The following TTC28 variants were observed in gnomAD, a reference collection of about 807,000 sequenced individuals.
The protein encoded by TTC28 is tetratricopeptide repeat domain 28, also known as tetratricopeptide repeat protein 28.
In TTC28, 61 loss-of-function variants were observed where a neutral mutation model predicts 198.0. The observed-to-expected ratio is 0.31, with a 90% confidence interval of 0.25 to 0.38. The LOEUF is 0.38. TTC28 is among the 10% of genes least tolerant of loss of function. The pLI, the probability that TTC28 is intolerant of heterozygous loss-of-function variation, is 1.00. For synonymous variants in TTC28, 1,171 were observed against 1,297.8 expected (o/e 0.90, Z 2.10); for missense variants, 2,678 against 3,164.0 (o/e 0.85, Z 3.69).
chr22:28,440,089 G>C (rs2047594721), intron 2 of TTC28, among the ~76,000 whole-genome samples: 2 of 152,190 alleles, frequency 1.3e-5, no homozygotes, highest in Admixed American at 1.3e-4. Flanking sequence ...GCTCGCCTCG[G>C]CCTCCCAAAG....
chr22:28,222,259 G>A (rs948079339), intron 5 of TTC28, among the ~76,000 whole-genome samples: 6 of 152,168 alleles, frequency 3.9e-5, no homozygotes, highest in African/African-American at 1.4e-4. Context: ...TTGACCTAGA[G>A]CTCTGATCAC....
intron 6 of TTC28, among the ~76,000 whole-genome samples, chr22:28,134,347 CA>C (rs1943145613): frequency 6.6e-6 from 1 of 152,216 alleles, no homozygotes; most frequent in Non-Finnish European, 1.5e-5. Context: ...CAATGGAACA[CA>C]GCTGGACGGA....
intron 5 of TTC28, among the ~76,000 whole-genome samples, chr22:28,168,087 TA>T (rs1438029066): frequency 6.6e-6 from 1 of 152,050 alleles, no homozygotes; most frequent in African/African-American, 2.4e-5. Context: ...TCAAAGAGAA[TA>T]AAATATCTAG....
chr22:28,287,421 A>G (rs1395994205), intron 5 of TTC28, among the ~76,000 whole-genome samples: 2 of 152,224 alleles, frequency 1.3e-5, no homozygotes, highest in African/African-American at 4.8e-5. Flanking sequence ...TAACTAATAA[A>G]CAAAAGTACT....
At chr22:28,500,888 T>C (rs1036323462) in intron 2 of TTC28, among the ~76,000 whole-genome samples, 1 of 152,146 alleles carries the variant, frequency 6.6e-6, no homozygotes, top group African/African-American at 2.4e-5. Flanking sequence ...AGATGCTGCA[T>C]TGTTCAGTTA....
chr22:28,581,397 C>T (rs1042404609), intron 2 of TTC28, among the ~76,000 whole-genome samples: 12 of 152,146 alleles, frequency 7.9e-5, no homozygotes, highest in African/African-American at 2.7e-4. Context: ...ACTAACACGA[C>T]ATCCTTTGAG....
At chr22:28,383,465 A>G (rs543534041) in intron 2 of TTC28, among the ~76,000 whole-genome samples, 1 of 152,324 alleles carries the variant, frequency 6.6e-6, no homozygotes, top group East Asian at 1.9e-4. Context: ...TGAATTACAA[A>G]TGTACACTCA....
intron 2 of TTC28, among the ~76,000 whole-genome samples, chr22:28,479,366 C>T (rs974681967): frequency 1.3e-5 from 2 of 152,200 alleles, no homozygotes; most frequent in African/African-American, 4.8e-5. Flanking sequence ...GAAATGACTA[C>T]AAACCCGTTA....
intron 6 of TTC28, among the ~76,000 whole-genome samples, chr22:28,156,259 A>C (rs746675615): frequency 6.6e-5 from 10 of 152,236 alleles, no homozygotes; most frequent in Non-Finnish European, 1.2e-4. Flanking sequence ...TAATCACAAC[A>C]GTCTTTATTG....
chr22:28,545,501 C>T (rs2049521738), intron 2 of TTC28, among the ~76,000 whole-genome samples: 1 of 152,038 alleles, frequency 6.6e-6, no homozygotes, highest in Admixed American at 6.6e-5. Flanking sequence ...ATCACTTGAG[C>T]CTAGGAGTTT....
chr22:28,407,136 A>G (rs1314965878), intron 2 of TTC28, among the ~76,000 whole-genome samples: 1 of 152,206 alleles, frequency 6.6e-6, no homozygotes, highest in African/African-American at 2.4e-5. Flanking sequence ...GACAGCAAAC[A>G]AGTTAAAAAA....
chr22:28,329,596 G>A (rs2045584828), intron 2 of TTC28, among the ~76,000 whole-genome samples: 1 of 152,128 alleles, frequency 6.6e-6, no homozygotes, highest in East Asian at 1.9e-4. Flanking sequence ...GTCCTAACAG[G>A]CAGTTTTGTT....
chr22:28,077,115 A>G (rs1941194933), intron 12 of TTC28, among the ~76,000 whole-genome samples: 1 of 152,170 alleles, frequency 6.6e-6, no homozygotes, highest in South Asian at 2.1e-4. Context: ...GTTGAAACCT[A>G]ATAGTCCATT....
chr22:28,114,738 T>C (rs1301410006), intron 6 of TTC28, among the ~76,000 whole-genome samples: 1 of 151,826 alleles, frequency 6.6e-6, no homozygotes, highest in Non-Finnish European at 1.5e-5. Flanking sequence ...CACCACTGTG[T>C]CCAGCTAATG....
At chr22:28,529,124 G>A (rs894697826) in intron 2 of TTC28, among the ~76,000 whole-genome samples, 16 of 152,104 alleles carry the variant, frequency 1.1e-4, no homozygotes, top group Admixed American at 2.0e-4. Context: ...CGCCTCACCC[G>A]GGAAGCGCAA....
chr22:28,157,858 G>A (rs915413329), intron 6 of TTC28, among the ~76,000 whole-genome samples: 3 of 152,070 alleles, frequency 2.0e-5, no homozygotes, highest in Admixed American at 6.6e-5. Context: ...TCTGGAACAC[G>A]ACAAGGATGC....
chr22:28,420,101 C>A (rs924928303), intron 2 of TTC28, among the ~76,000 whole-genome samples: 11 of 152,134 alleles, frequency 7.2e-5, no homozygotes, highest in African/African-American at 2.2e-4. Flanking sequence ...CTTGTCATCA[C>A]CCCAGATGAC....
At position 28,272,295 on chromosome 22, in the gene TTC28, G is replaced by C. The variant is rs535042586; in HGVS notation, c.933+23903C>G. 2.6e-5 allele frequency among the ~76,000 whole-genome samples: 4 copies of C among 152,312 alleles called. No individual in the cohort carries two copies. The South Asian group carries it at 8.3e-4, about 32-fold the overall frequency. On this transcript the variant is annotated intron_variant, in intron 5 of 22. Transcript: ENST00000397906. ...AAATCAAGGTTGAATTGATTTTATA[G>C]AATGCTGGTTAGACATGGTTTATGA...
intron 2 of TTC28, among the ~76,000 whole-genome samples, chr22:28,373,162 T>C (rs922264499): frequency 6.6e-6 from 1 of 151,724 alleles, no homozygotes; most frequent in Non-Finnish European, 1.5e-5. Flanking sequence ...AAATAAAAAA[T>C]ATTTAGCAAG....
Sources: gnomAD v4.1 joint callset for allele counts (sites outside exome capture counted in the v4.1 genomes callset) on GRCh38, gnomAD v4.1.1 for gene constraint, MANE v1.5 for transcripts, NCBI Gene and HGNC (gene_info 2026-07-23, HGNC 2026-07-21) for gene names.